SLC9A9: variants seen among roughly 807,000 people sequenced by gnomAD.
SLC9A9 encodes the protein sodium/hydrogen exchanger 9.
Under a neutral mutation model 77.8 loss-of-function variants are expected in SLC9A9, and 62 were observed. That is an observed-to-expected ratio of 0.80 (90% CI 0.65 to 0.98). The LOEUF (loss-of-function observed/expected upper bound fraction) is 0.98, where lower values mean the gene tolerates loss of function less well. Among genes scored for constraint, SLC9A9 ranks in the 50% least tolerant of loss-of-function variants. The pLI is 0.00. For synonymous variants in SLC9A9, 320 were observed against 283.5 expected (o/e 1.13, Z -1.29); for missense variants, 775 against 774.9 (o/e 1.00, Z 0.00).
Position 143,586,243 on chromosome 3 carries a change from C to A in SLC9A9, c.756-7520G>T, listed in dbSNP as rs1318454116. On this transcript the variant is annotated intron_variant, in intron 6 of 15. Coordinates refer to ENST00000316549, the MANE Select transcript of SLC9A9 (RefSeq NM_173653.4). ...CTAACTGCTGGGGAGACTTGCTGCTCTTTTTAGTATGAAACCATTTAGCAA... is the reference window on the plus strand; with the variant it reads ...CTAACTGCTGGGGAGACTTGCTGCTATTTTTAGTATGAAACCATTTAGCAA... 4.6e-5 allele frequency among the ~76,000 whole-genome samples: 7 copies of A among 152,314 alleles called. No homozygotes were observed. In the East Asian group the frequency reaches 1.2e-3, roughly 25 times the overall value.
intron 4 of SLC9A9, among the ~76,000 whole-genome samples, chr3:143,767,956 C>T (rs1357897954): frequency 4.6e-5 from 5 of 107,896 alleles, no homozygotes; most frequent in African/African-American, 2.1e-4. Context: ...GGTGTAAATG[C>T]TAATGTTTGC....
chr3:143,530,661 A>G (rs1159417741), intron 9 of SLC9A9, among the ~76,000 whole-genome samples: 1 of 138,456 alleles, frequency 7.2e-6, no homozygotes, highest in Non-Finnish European at 1.6e-5. Flanking sequence ...AACAAAACAA[A>G]CAAACAAACA....
chr3:143,517,755 C>A, intron 9 of SLC9A9: 6 of 1,598,134 alleles, frequency 3.8e-6, no homozygotes, highest in Non-Finnish European at 5.1e-6. Flanking sequence ...TGTAATTTGA[C>A]GAAGACACTG....
intron 12 of SLC9A9, among the ~76,000 whole-genome samples, chr3:143,390,832 C>G (rs748946083): frequency 6.6e-6 from 1 of 152,226 alleles, no homozygotes; most frequent in Non-Finnish European, 1.5e-5. Flanking sequence ...GGGTCCCACA[C>G]CCACAGAGCC....
At chr3:143,789,109 T>C (rs971086169) in intron 4 of SLC9A9, among the ~76,000 whole-genome samples, 12 of 152,206 alleles carry the variant, frequency 7.9e-5, no homozygotes, top group Non-Finnish European at 1.8e-4. Flanking sequence ...TAGGTATAGA[T>C]ACAAGACGGC....
chr3:143,489,050 A>G (rs1231542473), intron 11 of SLC9A9, among the ~76,000 whole-genome samples: 1 of 152,018 alleles, frequency 6.6e-6, no homozygotes, highest in African/African-American at 2.4e-5. Context: ...AGCAAGACAT[A>G]AAGTCAACAT....
In SLC9A9 at chr3:143,705,562, C is replaced by T. The variant is rs117082955; in HGVS notation, c.534-12255G>A. Among the ~76,000 whole-genome samples, 175 of 151,890 alleles carry T rather than the reference C, an allele frequency of 1.2e-3. 1 individual carries two copies. The East Asian group carries it at 0.026, about 23-fold the overall frequency. On this transcript the variant is annotated intron_variant, in intron 4 of 15. Transcript: ENST00000316549. ...GCCTGTATCAGTGAATCACATGTAA[C>T]GCATAAATATATACAGTATGTATCT...
At chr3:143,416,128 A>G (rs2034187039) in intron 12 of SLC9A9, among the ~76,000 whole-genome samples, 2 of 152,192 alleles carry the variant, frequency 1.3e-5, no homozygotes, top group South Asian at 4.1e-4. Context: ...ATCCCATGAG[A>G]AAACTTGAAT....
At position 143,760,733 on chromosome 3, in the gene SLC9A9, G is replaced by A. The variant is rs1005194816; in HGVS notation, c.533+34268C>T. 4.6e-5 allele frequency among the ~76,000 whole-genome samples: 7 copies of A among 152,090 alleles called. No individual in the cohort carries two copies. The South Asian group carries it at 1.0e-3, about 23-fold the overall frequency. ...AAGAACATTCCATGCTCACGAATAG[G>A]AATCATCAATATCGTGAAAATGGCC... On this transcript the variant is annotated intron_variant, in intron 4 of 15. Coordinates refer to ENST00000316549, the MANE Select transcript of SLC9A9 (RefSeq NM_173653.4).
At chr3:143,366,131 T>A (rs572072562) in intron 13 of SLC9A9, among the ~76,000 whole-genome samples, 1 of 152,192 alleles carries the variant, frequency 6.6e-6, no homozygotes, top group Non-Finnish European at 1.5e-5. Context: ...ATACTGGCAA[T>A]CAGGGGCCGG....
chr3:143,355,466 G>A (rs1441894657), intron 14 of SLC9A9, among the ~76,000 whole-genome samples: 2 of 152,154 alleles, frequency 1.3e-5, no homozygotes, highest in Non-Finnish European at 2.9e-5. Flanking sequence ...TCAGATGAGC[G>A]ATGGAGACAC....
chr3:143,430,345 T>C (rs2034489836), intron 12 of SLC9A9, among the ~76,000 whole-genome samples: 1 of 152,194 alleles, frequency 6.6e-6, no homozygotes, highest in Non-Finnish European at 1.5e-5. Context: ...TAGAAACCTC[T>C]TTTGACAAAA....
At chr3:143,399,259 A>G (rs1387279567) in intron 12 of SLC9A9, among the ~76,000 whole-genome samples, 7 of 152,222 alleles carry the variant, frequency 4.6e-5, no homozygotes, top group Non-Finnish European at 7.3e-5. Context: ...GAAGAAAATA[A>G]TTTTAGTTTC....
intron 14 of SLC9A9, among the ~76,000 whole-genome samples, chr3:143,313,568 G>T (rs2031096332): frequency 6.6e-6 from 1 of 152,146 alleles, no homozygotes; most frequent in Admixed American, 6.5e-5. Flanking sequence ...ATGATCCCTT[G>T]CCAGAATATC....
intron 12 of SLC9A9, among the ~76,000 whole-genome samples, chr3:143,423,254 C>CGCGCGTGT (rs2034341467): frequency 8.7e-6 from 1 of 115,410 alleles, no homozygotes; most frequent in Non-Finnish European, 1.8e-5. Context: ...CGTGTACACA[C>CGCGCGTGT]ACACACACAC....
chr3:143,584,001 AG>A (rs2037498809), intron 6 of SLC9A9, among the ~76,000 whole-genome samples: 1 of 152,222 alleles, frequency 6.6e-6, no homozygotes, highest in African/African-American at 2.4e-5. Flanking sequence ...GAGGGGGAGA[AG>A]AAGGAAGAAA....
intron 13 of SLC9A9, chr3:143,372,016 G>C: frequency 2.3e-6 from 1 of 427,688 alleles, no homozygotes; most frequent in South Asian, 1.7e-5. Context: ...AACCAAGGAG[G>C]TGAAAGATCT....
intron 5 of SLC9A9, among the ~76,000 whole-genome samples, chr3:143,687,125 T>A (rs939471468): frequency 2.8e-4 from 43 of 152,072 alleles, no homozygotes; most frequent in African/African-American, 8.0e-4. Flanking sequence ...AGTCAAATAA[T>A]CCCAAATGGA....
At chr3:143,354,883 G>GC (rs1287259274) in intron 14 of SLC9A9, among the ~76,000 whole-genome samples, 1 of 152,168 alleles carries the variant, frequency 6.6e-6, no homozygotes, top group Non-Finnish European at 1.5e-5. Context: ...GCAATTGAAA[G>GC]ATTTCCTTTA....
Sources: gnomAD v4.1 joint callset for allele counts (sites outside exome capture counted in the v4.1 genomes callset) on GRCh38, gnomAD v4.1.1 for gene constraint, MANE v1.5 for transcripts, NCBI Gene and HGNC (gene_info 2026-07-23, HGNC 2026-07-21) for gene names.